DENND1A: variants seen among roughly 807,000 people sequenced by gnomAD.
The protein encoded by DENND1A is DENN domain-containing protein 1A.
Under a neutral mutation model 113.7 loss-of-function variants are expected in DENND1A, and 51 were observed. That is an observed-to-expected ratio of 0.45 (90% confidence interval 0.36 to 0.57). DENND1A has a LOEUF of 0.57. DENND1A is among the 20% of genes least tolerant of loss of function. The probability of loss-of-function intolerance (pLI) is 0.00; values close to 1 mark genes in which losing one functional copy is unlikely to be tolerated. For missense variants in DENND1A, 1,258 were observed against 1,395.9 expected, an observed-to-expected ratio of 0.90 and a Z score of 1.57; for synonymous variants, 565 against 570.8, an observed-to-expected ratio of 0.99 and a Z score of 0.14.
Position 123,750,097 on chromosome 9 carries a change from A to T in DENND1A, c.302+7606T>A, listed in dbSNP as rs572848032. On this transcript the variant is annotated intron_variant, in intron 5 of 23. Coordinates refer to ENST00000394215, the MANE Select transcript of DENND1A (RefSeq NM_001352964.2). The stretch of plus-strand genomic sequence containing the variant: ...AGGCTGGCTGCTTGTTCCAGCCCCC[A>T]TGGCCACTGCAGAAGACACACCTGT... 1.1e-3 allele frequency among the ~76,000 whole-genome samples: 167 copies of T among 152,270 alleles called. 5 individuals are homozygous for T. In the South Asian group the frequency reaches 0.034, roughly 31 times the overall value.
intron 5 of DENND1A, among the ~76,000 whole-genome samples, chr9:123,742,800 A>G (rs1393916553): frequency 6.6e-6 from 1 of 152,244 alleles, no homozygotes; most frequent in Non-Finnish European, 1.5e-5. Flanking sequence ...GAGAAAATTA[A>G]CAGGTCAACT....
chr9:123,914,994 C>A (rs1382078616), intron 1 of DENND1A, among the ~76,000 whole-genome samples: 1 of 152,104 alleles, frequency 6.6e-6, no homozygotes, highest in Admixed American at 6.6e-5. Flanking sequence ...TTGCCAGGTT[C>A]TGCTGGCCAA....
At chr9:123,888,171 G>A (rs2133720481) in intron 1 of DENND1A, among the ~76,000 whole-genome samples, 1 of 152,214 alleles carries the variant, frequency 6.6e-6, no homozygotes, top group East Asian at 1.9e-4. Flanking sequence ...GATGAACTTG[G>A]AACATTTTTT....
At chr9:123,917,992 T>C (rs952157572) in intron 1 of DENND1A, among the ~76,000 whole-genome samples, 1 of 150,180 alleles carries the variant, frequency 6.7e-6, no homozygotes, top group African/African-American at 2.5e-5. Flanking sequence ...CGGGCACCTG[T>C]AGTCCCAGCT....
At chr9:123,559,113 C>T (rs570918231) in intron 12 of DENND1A, among the ~76,000 whole-genome samples, 8 of 152,188 alleles carry the variant, frequency 5.3e-5, no homozygotes, top group East Asian at 3.9e-4. Flanking sequence ...GGGTGAGCAC[C>T]GCGTGCTAAG....
intron 19 of DENND1A, among the ~76,000 whole-genome samples, chr9:123,423,972 G>A (rs2045518662): frequency 6.6e-6 from 1 of 152,194 alleles, no homozygotes; most frequent in Non-Finnish European, 1.5e-5. Flanking sequence ...CCTGGGGGCT[G>A]AAGAGCTGGC....
At chr9:123,728,261 T>C (rs1184190607) in intron 5 of DENND1A, among the ~76,000 whole-genome samples, 1 of 151,840 alleles carries the variant, frequency 6.6e-6, no homozygotes, top group Non-Finnish European at 1.5e-5. Flanking sequence ...GCAGACAACC[T>C]GAGGTCAGGA....
intron 5 of DENND1A, among the ~76,000 whole-genome samples, chr9:123,705,872 G>A (rs376882871): frequency 1.3e-5 from 2 of 152,110 alleles, no homozygotes; most frequent in East Asian, 1.9e-4. Context: ...AAAAGAAGAC[G>A]TAGAGAACTA....
intron 2 of DENND1A, among the ~76,000 whole-genome samples, chr9:123,810,549 C>CAAAA (rs1159557273): frequency 0.019 from 774 of 40,066 alleles, no homozygotes; most frequent in Non-Finnish European, 0.025. Flanking sequence ...CATGTCTCTA[C>CAAAA]AAAAAAAAAA....
At chr9:123,603,620 T>TG (rs1211819730) in intron 11 of DENND1A, among the ~76,000 whole-genome samples, 2 of 152,190 alleles carry the variant, frequency 1.3e-5, no homozygotes, top group East Asian at 3.8e-4. Flanking sequence ...GAGAAGCAGC[T>TG]GGGGGCCCCC....
At chr9:123,858,058 CAAAAAAAAAAAA>C (rs1230079039) in intron 2 of DENND1A, among the ~76,000 whole-genome samples, 1 of 51,086 alleles carries the variant, frequency 2.0e-5, no homozygotes, top group Non-Finnish European at 4.1e-5. Flanking sequence ...GACTCCGTCT[CAAAAAAAAAAAA>C]AAAAAAGAAA....
At chr9:123,771,507 A>G (rs1829725941) in intron 3 of DENND1A, among the ~76,000 whole-genome samples, 1 of 152,216 alleles carries the variant, frequency 6.6e-6, no homozygotes, top group Non-Finnish European at 1.5e-5. Context: ...TCAGCTACAA[A>G]GAAAGCTATC....
chr9:123,430,290 A>G (rs1203309448), intron 19 of DENND1A, among the ~76,000 whole-genome samples: 2 of 152,196 alleles, frequency 1.3e-5, no homozygotes, highest in East Asian at 3.8e-4. Context: ...TGATTCCATA[A>G]AGATCTAAAG....
At chr9:123,857,467 T>C (rs1020043233) in intron 2 of DENND1A, among the ~76,000 whole-genome samples, 3 of 152,064 alleles carry the variant, frequency 2.0e-5, no homozygotes, top group African/African-American at 7.2e-5. Context: ...CCCAAAACAA[T>C]TGTTAATTAA....
intron 2 of DENND1A, among the ~76,000 whole-genome samples, chr9:123,870,003 CAAAAAAAAAAAAA>C (rs11430845): frequency 2.7e-4 from 21 of 78,596 alleles, no homozygotes; most frequent in Non-Finnish European, 1.1e-4. Context: ...GACCCTGTCT[CAAAAAAAAAAAAA>C]AAAAAAAAGA....
chr9:123,414,366 T>C, intron 19 of DENND1A: 1 of 1,422,850 alleles, frequency 7.0e-7, no homozygotes, highest in Non-Finnish European at 9.2e-7. Context: ...TCCCAGTCCA[T>C]CGCCTACATT....
chr9:123,713,424 A>G (rs1288695657), intron 5 of DENND1A, among the ~76,000 whole-genome samples: 1 of 152,212 alleles, frequency 6.6e-6, no homozygotes, highest in Non-Finnish European at 1.5e-5. Context: ...GGCAGATAAG[A>G]GATTTCACTA....
intron 12 of DENND1A, among the ~76,000 whole-genome samples, chr9:123,567,754 C>T (rs1483660553): frequency 6.6e-6 from 1 of 152,096 alleles, no homozygotes; most frequent in African/African-American, 2.4e-5. Flanking sequence ...GCACTTCTGC[C>T]CTCAGAGCCA....
chr9:123,811,137 T>C (rs1375598468), intron 2 of DENND1A, among the ~76,000 whole-genome samples: 1 of 152,182 alleles, frequency 6.6e-6, no homozygotes, highest in African/African-American at 2.4e-5. Flanking sequence ...TCTCTTCTAC[T>C]CACAGCCTCC....
Sources: gnomAD v4.1 joint callset for allele counts (sites outside exome capture counted in the v4.1 genomes callset) on GRCh38, gnomAD v4.1.1 for gene constraint, MANE v1.5 for transcripts, NCBI Gene and HGNC (gene_info 2026-07-23, HGNC 2026-07-21) for gene names.